The following AUTS2 variants were observed in gnomAD, a reference collection of about 807,000 sequenced individuals.
AUTS2 encodes autism susceptibility gene 2 protein.
AUTS2 carries 17 observed loss-of-function variants against 112.4 expected under a neutral mutation model. The ratio of observed to expected loss-of-function variants is 0.15; its 90% CI spans 0.10 to 0.23. AUTS2 has a LOEUF of 0.23. Among genes scored for constraint, AUTS2 ranks in the 10% least tolerant of loss-of-function variants. The probability of loss-of-function intolerance (pLI) is 1.00; values close to 1 mark genes in which losing one functional copy is unlikely to be tolerated. For synonymous variants in AUTS2, 751 were observed against 702.7 expected (o/e 1.07, Z -1.09); for missense variants, 1,510 against 1,701.6 (o/e 0.89, Z 1.98).
chr7:70,117,162 A>G (rs2129572462), intron 2 of AUTS2, among the ~76,000 whole-genome samples: 1 of 124,590 alleles, frequency 8.0e-6, no homozygotes, highest in Non-Finnish European at 1.6e-5. Flanking sequence ...GTAGTACCAT[A>G]TCTTCAGCAC....
intron 4 of AUTS2, among the ~76,000 whole-genome samples, chr7:70,236,965 G>T (rs574166120): frequency 1.3e-5 from 2 of 152,258 alleles, no homozygotes; most frequent in African/African-American, 4.8e-5. Context: ...TACTGCCTTC[G>T]TAAAGTAAGC....
At chr7:70,303,629 T>G (rs1789348659) in intron 4 of AUTS2, among the ~76,000 whole-genome samples, 1 of 152,136 alleles carries the variant, frequency 6.6e-6, no homozygotes, top group African/African-American at 2.4e-5. Flanking sequence ...GTTACAGTAG[T>G]TTCAGATAGA....
intron 5 of AUTS2, among the ~76,000 whole-genome samples, chr7:70,575,502 C>T (rs1802125770): frequency 6.6e-6 from 1 of 152,102 alleles, no homozygotes; most frequent in Non-Finnish European, 1.5e-5. Flanking sequence ...ATGGGAATGA[C>T]AGGCTTCAAA....
chr7:69,918,260 T>G (rs1228131195), intron 2 of AUTS2, among the ~76,000 whole-genome samples: 1 of 152,192 alleles, frequency 6.6e-6, no homozygotes, highest in Non-Finnish European at 1.5e-5. Context: ...CAAATTTTGG[T>G]GGTTTCGTTC....
chr7:70,137,334 A>G (rs774934499), intron 4 of AUTS2, among the ~76,000 whole-genome samples: 7 of 152,068 alleles, frequency 4.6e-5, no homozygotes, highest in Non-Finnish European at 8.8e-5. Flanking sequence ...ATATATATTC[A>G]TTACATACTC....
At chr7:70,749,870 GAA>G (rs1788692148) in intron 6 of AUTS2, among the ~76,000 whole-genome samples, 1 of 152,248 alleles carries the variant, frequency 6.6e-6, no homozygotes, top group Non-Finnish European at 1.5e-5. Flanking sequence ...ATGATACTGG[GAA>G]AACAGTGATT....
chr7:70,272,789 A>G (rs1787756233), intron 4 of AUTS2, among the ~76,000 whole-genome samples: 3 of 152,014 alleles, frequency 2.0e-5, no homozygotes, highest in South Asian at 4.2e-4. Context: ...CCCAGAGACA[A>G]TGGGACCCTT....
At chr7:70,297,352 G>A (rs1484716542) in intron 4 of AUTS2, among the ~76,000 whole-genome samples, 1 of 152,008 alleles carries the variant, frequency 6.6e-6, no homozygotes. Flanking sequence ...TCTTGAGGGA[G>A]GTTTCAGAGA....
intron 1 of AUTS2, among the ~76,000 whole-genome samples, chr7:69,722,326 A>G (rs1356462839): frequency 6.6e-6 from 1 of 151,896 alleles, no homozygotes; most frequent in East Asian, 1.9e-4. Context: ...TTCCATTCTT[A>G]GAATAGAAAA....
At chr7:69,952,723 A>G (rs1797073225) in intron 2 of AUTS2, among the ~76,000 whole-genome samples, 1 of 152,200 alleles carries the variant, frequency 6.6e-6, no homozygotes, top group African/African-American at 2.4e-5. Flanking sequence ...CAACAGGCAT[A>G]TCTTCCTGCC....
Position 69,930,764 on chromosome 7 carries a change from A to G in AUTS2, c.522+31266A>G, listed in dbSNP as rs1031217459. 2.0e-5 allele frequency among the ~76,000 whole-genome samples: 3 copies of G among 152,072 alleles called. No homozygotes were observed. The East Asian group carries it at 5.8e-4, about 29-fold the overall frequency. On this transcript the variant is annotated intron_variant, in intron 2 of 18. Transcript: ENST00000342771. Reference sequence around the variant, plus strand: ...TGTTCTTTCAGTCTTGTCAGTTCTTACTTCCTAGTATATTTGACATTCTTT... The same window carrying G: ...TGTTCTTTCAGTCTTGTCAGTTCTTGCTTCCTAGTATATTTGACATTCTTT...
chr7:69,616,780 C>T (rs1376146762), intron 1 of AUTS2, among the ~76,000 whole-genome samples: 4 of 152,044 alleles, frequency 2.6e-5, no homozygotes, highest in Non-Finnish European at 4.4e-5. Context: ...CCTCAGGGTA[C>T]GCTGAGTCAT....
At chr7:69,673,441 T>C (rs1048438229) in intron 1 of AUTS2, among the ~76,000 whole-genome samples, 4 of 152,240 alleles carry the variant, frequency 2.6e-5, no homozygotes, top group Non-Finnish European at 4.4e-5. Context: ...TTTGTTCTGC[T>C]TTCTGCCATG....
intron 1 of AUTS2, among the ~76,000 whole-genome samples, chr7:69,757,936 C>A (rs746350255): frequency 6.6e-6 from 1 of 152,184 alleles, no homozygotes; most frequent in African/African-American, 2.4e-5. Flanking sequence ...ACATGCAATT[C>A]TCTGGGATAA....
At chr7:70,066,108 T>C (rs1802478793) in intron 2 of AUTS2, among the ~76,000 whole-genome samples, 1 of 152,314 alleles carries the variant, frequency 6.6e-6, no homozygotes, top group African/African-American at 2.4e-5. Context: ...TAATAAGAAA[T>C]TAATCAGTTT....
At chr7:69,749,664 A>G (rs572348280) in intron 1 of AUTS2, among the ~76,000 whole-genome samples, 6 of 152,350 alleles carry the variant, frequency 3.9e-5, no homozygotes, top group African/African-American at 7.2e-5. Context: ...TCATATGGCA[A>G]CTTTATTCAA....
Position 70,548,435 on chromosome 7 carries a change from A to T in AUTS2, c.690+112654A>T, listed in dbSNP as rs2129517327. Among the ~76,000 whole-genome samples, 2 of 151,896 alleles carry T rather than the reference A, an allele frequency of 1.3e-5. 1 individual carries two copies. The highest frequency in any genetic ancestry group is 6.8e-3 in the Middle Eastern group (2 of 292). ...TTTTAATTTTGTTGAAGTCCAGTTT[A>T]TCAGTTTTTTTTTTATGGATCATAC... is the stretch of plus-strand genomic sequence containing the variant. On this transcript the variant is annotated intron_variant, in intron 5 of 18. Transcript: ENST00000342771.
intron 1 of AUTS2, among the ~76,000 whole-genome samples, chr7:69,622,627 G>C (rs1793730400): frequency 6.6e-6 from 1 of 152,180 alleles, no homozygotes; most frequent in Admixed American, 6.5e-5. Context: ...TGAAGACCCA[G>C]AATCCCATGT....
intron 1 of AUTS2, among the ~76,000 whole-genome samples, chr7:69,637,619 C>T (rs1794610559): frequency 2.6e-5 from 4 of 152,118 alleles, no homozygotes; most frequent in Admixed American, 1.3e-4. Context: ...CTTTGTTTTT[C>T]GTAAGGCAGG....
Sources: gnomAD v4.1 joint callset for allele counts (sites outside exome capture counted in the v4.1 genomes callset) on GRCh38, gnomAD v4.1.1 for gene constraint, MANE v1.5 for transcripts, NCBI Gene and HGNC (gene_info 2026-07-23, HGNC 2026-07-21) for gene names.